Variants in DNAAF3 observed in about 807,000 individuals in gnomAD.
The protein encoded by DNAAF3 is UPF0470 protein C19orf51.
DNAAF3 carries 40 observed loss-of-function variants against 50.9 expected under a neutral mutation model. The observed-to-expected ratio is 0.79, with a 90% CI of 0.61 to 1.02. The LOEUF (loss-of-function observed/expected upper bound fraction) is 1.02. Among genes scored for constraint, DNAAF3 ranks in the 50% least tolerant of loss-of-function variants. DNAAF3 has a pLI of 0.00. For missense variants in DNAAF3, 763 were observed against 744.7 expected (o/e 1.02, Z -0.29); for synonymous variants, 327 against 322.8 (o/e 1.01, Z -0.14).
chr19:55,165,906 C>T lies in DNAAF3; in HGVS notation c.180G>A (p.Leu60=), dbSNP rs761236489. Residue 60 remains leucine (L), a synonymous_variant, in exon 3 of 12, where the codon CTG becomes CTA. Transcript: ENST00000524407. ...ACTTCGCTCGGGACAGGGTCCGCAG[C>T]AGGTGCCGTCCATCCACAGAGCCCA... is the stretch of plus-strand genomic sequence containing the variant. ...LLLGSVDGRH[L]LRTLSRAKFW... The T allele has an allele frequency of 1.9e-6, 3 of 1,614,232 alleles. No individual in the cohort carries two copies. The highest frequency in any genetic ancestry group is 1.7e-6 in the Non-Finnish European group (2 of 1,180,040).
rs201438765 is a variant in DNAAF3 at position 55,161,253 on chromosome 19, G to A, written c.789+40C>T. On this transcript the variant is annotated intron_variant, in intron 7 of 11. Coordinates refer to ENST00000524407, the MANE Select transcript of DNAAF3 (RefSeq NM_001256715.2). The surrounding 1 kb of genome is among the most constrained non-coding windows in gnomAD (Gnocchi z 6.4). ...TGGGGCCCCTGACTCCTAGGACTCCGAGCAGCAGCAGTGGGCCAGGACAGG... is the reference window on the plus strand; with the variant it reads ...TGGGGCCCCTGACTCCTAGGACTCCAAGCAGCAGCAGTGGGCCAGGACAGG... 1.6e-5 allele frequency: 26 copies of A among 1,597,900 alleles called. No individual in the cohort carries two copies. The highest frequency in any genetic ancestry group is 3.3e-5 in the South Asian group (3 of 90,094).
chr19:55,162,809 C>A, intron 4 of DNAAF3: 2 of 489,318 alleles, frequency 4.1e-6, no homozygotes, highest in Non-Finnish European at 5.3e-6. Context: ...TTTGTAAGTA[C>A]ATCTTTTTTG....
chr19:55,159,617 G>C lies in DNAAF3; in HGVS notation c.1164-10C>G, dbSNP rs2085781996. 1 of 1,612,712 alleles carries C rather than the reference G, an allele frequency of 6.2e-7. No individual in the cohort carries two copies. Among genetic ancestry groups the C allele is most frequent in the Non-Finnish European group, 8.5e-7 (1 of 1,179,444 alleles). ...GAGAAGATGGACCATACTGCAGAGA[G>C]GACGGAGGACAGGCTGAGATTCAGC... On this transcript the variant is annotated splice_polypyrimidine_tract_variant and intron_variant, in intron 10 of 11. Transcript: ENST00000524407.
chr19:55,166,380 C>G lies in DNAAF3; in HGVS notation c.34G>C (p.Gly12Arg), dbSNP rs759585776. 6.8e-6 allele frequency: 11 copies of G among 1,613,746 alleles called. No homozygotes were observed. Among genetic ancestry groups the G allele is most frequent in the Non-Finnish European group, 7.6e-6 (9 of 1,179,912 alleles). Reference sequence around the variant, plus strand: ...GACAGGCCCCACCAGGACACGGAGCCGAAGCCGCTGCCGGAGCCGGCAGGT... The same window carrying G: ...GACAGGCCCCACCAGGACACGGAGCGGAAGCCGCTGCCGGAGCCGGCAGGT... Reference protein sequence around the residue: ...TTPAGSGSGFGSVSWWGLSPA... With the variant: ...TTPAGSGSGFRSVSWWGLSPA... Residue 12 changes from glycine to arginine, a missense_variant, in exon 2 of 12, where the codon GGC becomes CGC. By Grantham distance (125) the Gly-to-Arg change is moderately radical (BLOSUM62 -2). Transcript: ENST00000524407. The surrounding 1 kb of genome is among the most constrained non-coding windows in gnomAD (Gnocchi z 4.0).
Position 55,162,122 on chromosome 19 carries a change from G to A in DNAAF3, c.480+11C>T, listed in dbSNP as rs2085847508. On this transcript the variant is annotated intron_variant, in intron 5 of 11. Transcript: ENST00000524407. ...GCCACCCGATCCCAGATGGAGGCCG[G>A]GCGGCGGCACCTTGAGGGCGCGGAG... 5 of 1,245,772 alleles carry A rather than the reference G, an allele frequency of 4.0e-6. No homozygotes were observed. The highest frequency in any genetic ancestry group is 5.0e-6 in the Non-Finnish European group (5 of 990,542). The allele number at this position is 1,245,772 out of a possible 1,614,324, so 77.2% of individuals were successfully genotyped here.
rs2085765636 is a variant in DNAAF3, at chr19:55,158,847, A to G, written c.*215T>C. 3 of 529,996 alleles carry G rather than the reference A, an allele frequency of 5.7e-6. No individual in the cohort carries two copies. The highest frequency in any genetic ancestry group is 7.1e-5 in the South Asian group (2 of 28,268). 32.8% of individuals were successfully genotyped at this position (529,996 alleles called of 1,614,324 possible). A position where few individuals can be genotyped will look rare whatever the true frequency, so the allele number is the denominator to read the frequency against. On this transcript the variant is annotated 3_prime_UTR_variant, in exon 12 of 12. Transcript: ENST00000524407. Reference sequence around the variant, plus strand: ...CTCAGAAGTGGAATTTGGAATTCTGAGAGAACAATCTAGAATTCTAGGAAT... The same window carrying G: ...CTCAGAAGTGGAATTTGGAATTCTGGGAGAACAATCTAGAATTCTAGGAAT...
chr19:55,160,648 C>G lies in DNAAF3; in HGVS notation c.1040G>C (p.Gly347Ala). Residue 347 changes from glycine to alanine, a missense_variant, in exon 9 of 12, where the codon GGG becomes GCG. Coordinates refer to ENST00000524407, the MANE Select transcript of DNAAF3 (RefSeq NM_001256715.2). The surrounding 1 kb of genome is among the most constrained non-coding windows in gnomAD (Gnocchi z 4.7). ...TGTTGTCCCTGGCTTACCTGGAGTCCCTGGCTCCGGGCTTCCCTCCGCGTG... is the reference window on the plus strand; with the variant it reads ...TGTTGTCCCTGGCTTACCTGGAGTCGCTGGCTCCGGGCTTCCCTCCGCGTG... ...QQHAEGSPEP[G>A]TPAAPTPESF... is the part of the protein sequence containing the mutation. The G allele has an allele frequency of 1.2e-6, 2 of 1,613,828 alleles. No homozygotes were observed. The highest frequency in any genetic ancestry group is 1.7e-6 in the Non-Finnish European group (2 of 1,179,940).
chr19:55,166,114 G>A lies in DNAAF3; in HGVS notation c.86-114C>T. 1 of 1,579,650 alleles carries A rather than the reference G, an allele frequency of 6.3e-7. No homozygotes were observed. ...AGTAGGCGTTCCGCCCGTGGCCTAG[G>A]TTCTAAGGGGAGGTGTTTCCTCTGA... On this transcript the variant is annotated intron_variant, in intron 2 of 11. Coordinates refer to ENST00000524407, the MANE Select transcript of DNAAF3 (RefSeq NM_001256715.2). This position sits in a 1 kb window ranked among gnomAD's most constrained non-coding sequence, Gnocchi z 4.0.
chr19:55,166,122 G>T lies in DNAAF3; in HGVS notation c.86-122C>A. On this transcript the variant is annotated intron_variant, in intron 2 of 11. Coordinates refer to ENST00000524407, the MANE Select transcript of DNAAF3 (RefSeq NM_001256715.2). The surrounding 1 kb of genome is among the most constrained non-coding windows in gnomAD (Gnocchi z 4.0). ...TTCCGCCCGTGGCCTAGGTTCTAAG[G>T]GGAGGTGTTTCCTCTGAGTATTCTG... The T allele has an allele frequency of 6.4e-7, 1 of 1,572,558 alleles. No individual in the cohort carries two copies. Among genetic ancestry groups the T allele is most frequent in the South Asian group, 1.2e-5 (1 of 86,692 alleles).
Position 55,160,885 on chromosome 19 carries a change from A to G in DNAAF3, c.913-110T>C. 5 of 1,480,904 alleles carry G rather than the reference A, an allele frequency of 3.4e-6. No individual in the cohort carries two copies. Among genetic ancestry groups the G allele is most frequent in the Non-Finnish European group, 4.5e-6 (5 of 1,120,230 alleles). 91.7% of individuals were successfully genotyped at this position (1,480,904 alleles called of 1,614,324 possible). On this transcript the variant is annotated intron_variant, in intron 8 of 11. Transcript: ENST00000524407. This position sits in a 1 kb window ranked among gnomAD's most constrained non-coding sequence, Gnocchi z 4.7. ...TAGAACTCCCGCAGCTGCTTGGAGG[A>G]TGTGAAGTGGGGCGGGACCTATCCC...
At position 55,162,222 on chromosome 19, in the gene DNAAF3, G is replaced by T; in HGVS notation, c.391C>A (p.Arg131Ser). The T allele has an allele frequency of 3.2e-6, 4 of 1,252,402 alleles. No homozygotes were observed. Among genetic ancestry groups the T allele is most frequent in the Non-Finnish European group, 4.0e-6 (4 of 990,014 alleles). 77.6% of individuals were successfully genotyped at this position (1,252,402 alleles called of 1,614,324 possible). Residue 131 changes from arginine to serine, a missense_variant, in exon 5 of 12, where the codon CGT becomes AGT. Transcript: ENST00000524407. ...LLRPPVAAFVRAQADLLAHLV... is the reference protein window; with the variant it reads ...LLRPPVAAFVSAQADLLAHLV... ...TGCGCCAGCAGGTCGGCCTGGGCAC[G>T]CACGAAGGCGGCCACTGGCGGGCGC... is the stretch of plus-strand genomic sequence containing the variant.
rs549295806 is a variant in DNAAF3, at chr19:55,162,295, G to A, written c.323-5C>T. ...CCAGGAAGGTCTCGCTTCGCTCTAC[G>A]GAGAGAGGGAGATAATTGCGGGAAT... On this transcript the variant is annotated splice_polypyrimidine_tract_variant and splice_region_variant and intron_variant, in intron 4 of 11. Coordinates refer to ENST00000524407, the MANE Select transcript of DNAAF3 (RefSeq NM_001256715.2). The A allele has an allele frequency of 1.1e-5, 14 of 1,248,282 alleles. No individual in the cohort carries two copies. Among genetic ancestry groups the A allele is most frequent in the Middle Eastern group, 2.1e-4 (1 of 4,662 alleles). 77.3% of individuals were successfully genotyped at this position (1,248,282 alleles called of 1,614,324 possible). A position where few individuals can be genotyped will look rare whatever the true frequency, so the allele number is the denominator to read the frequency against.
At position 55,161,008 on chromosome 19, in the gene DNAAF3, G is replaced by A. The variant is rs528487566; in HGVS notation, c.912+57C>T. 6.0e-6 allele frequency: 9 copies of A among 1,493,932 alleles called. No homozygotes were observed. The South Asian group carries it at 6.4e-5, about 11-fold the overall frequency. The allele number at this position is 1,493,932 out of a possible 1,614,324, so 92.5% of individuals were successfully genotyped here. A position where few individuals can be genotyped will look rare whatever the true frequency, so the allele number is the denominator to read the frequency against. On this transcript the variant is annotated intron_variant, in intron 8 of 11. Transcript: ENST00000524407. The surrounding 1 kb of genome is among the most constrained non-coding windows in gnomAD (Gnocchi z 6.4). Reference sequence around the variant, plus strand: ...GGGCCTGCTGTGGGGGCGGGGCCTTGCGCACCCACCGACCCCCAGCCCCAC... The same window carrying A: ...GGGCCTGCTGTGGGGGCGGGGCCTTACGCACCCACCGACCCCCAGCCCCAC...
In DNAAF3 at chr19:55,160,793, G is replaced by C. The variant is rs1266818235; in HGVS notation, c.913-18C>G. The C allele has an allele frequency of 1.1e-5, 18 of 1,602,804 alleles. No homozygotes were observed. The highest frequency in any genetic ancestry group is 1.5e-5 in the Non-Finnish European group (18 of 1,177,298). On this transcript the variant is annotated intron_variant, in intron 8 of 11. Coordinates refer to ENST00000524407, the MANE Select transcript of DNAAF3 (RefSeq NM_001256715.2). The surrounding 1 kb of genome is among the most constrained non-coding windows in gnomAD (Gnocchi z 4.7). ...CCGGCCGTCTAACAGTAGAAGGGGC[G>C]TGGCCAGACGTCGGGGCCAGGATGG...
chr19:55,166,660 C>G (rs1218082355), upstream of DNAAF3: 3 of 1,607,506 alleles, frequency 1.9e-6, no homozygotes, highest in Non-Finnish European at 2.6e-6. The surrounding 1 kb of genome is among the most constrained non-coding windows in gnomAD (Gnocchi z 4.0). Context: ...TGGGATGGGA[C>G]CACAGCGAGC....
At chr19:55,164,284 C>T (rs1208133128) in intron 4 of DNAAF3, among the ~76,000 whole-genome samples, 1 of 152,128 alleles carries the variant, frequency 6.6e-6, no homozygotes, top group Non-Finnish European at 1.5e-5. Context: ...ATCTCGAGAC[C>T]ATCCTGGCCA....
chr19:55,164,948 AT>A (rs141126331), intron 4 of DNAAF3, among the ~76,000 whole-genome samples: 9 of 141,632 alleles, frequency 6.4e-5, no homozygotes, highest in East Asian at 2.2e-4. Flanking sequence ...AATATATTGG[AT>A]TTTTTTTTTC....
At chr19:55,163,312 A>ATTTTTT (rs34371299) in intron 4 of DNAAF3, among the ~76,000 whole-genome samples, 3,000 of 87,130 alleles carry the variant, frequency 0.034, 260 homozygotes, top group Middle Eastern at 0.06. Context: ...CCGGCGGCTA[A>ATTTTTT]TTTTTTTTTT....
chr19:55,162,450 G>A (rs1158355914), intron 4 of DNAAF3, 160 bp from the exon 5 acceptor site: 2 of 939,698 alleles, frequency 2.1e-6, no homozygotes, highest in African/African-American at 3.4e-5. Flanking sequence ...GGCCGGACAT[G>A]GTGGCGGGCG....
Sources: gnomAD v4.1 joint callset for allele counts (sites outside exome capture counted in the v4.1 genomes callset) on GRCh38, gnomAD v4.1.1 for gene constraint, Gnocchi (gnomAD v3.1) non-coding constraint, MANE v1.5 for transcripts, NCBI Gene and HGNC (gene_info 2026-07-23, HGNC 2026-07-21) for gene names.